The following SPMAP2L variants were observed in gnomAD, a reference collection of about 807,000 sequenced individuals.
The protein encoded by SPMAP2L is sperm microtubule associated protein 2-like.
chr4:56,535,851 A>G, the SPMAP2L span, among the ~76,000 whole-genome samples: 1 of 152,208 alleles, frequency 6.6e-6, no homozygotes, highest in Admixed American at 6.5e-5. Context: ...CTCACCTCTA[A>G]GGCAGGGATC....
chr4:56,551,653 T>C, the SPMAP2L span, among the ~76,000 whole-genome samples: 1 of 152,188 alleles, frequency 6.6e-6, no homozygotes, highest in South Asian at 2.1e-4. Flanking sequence ...ATTGGCCCCG[T>C]CAGACTCCAA....
chr4:56,598,350 G>A, the SPMAP2L span, among the ~76,000 whole-genome samples: 412 of 152,270 alleles, frequency 2.7e-3, 5 homozygotes, highest in East Asian at 0.016. Context: ...TTAGCTTTTA[G>A]CAAACAAGTA....
chr4:56,609,917 G>C, the SPMAP2L span, among the ~76,000 whole-genome samples: 1 of 152,144 alleles, frequency 6.6e-6, no homozygotes, highest in Non-Finnish European at 1.5e-5. Flanking sequence ...ATTGTATTTT[G>C]TTAGAGCAAC....
At chr4:56,537,249 T>G in the SPMAP2L span, among the ~76,000 whole-genome samples, 1 of 152,128 alleles carries the variant, frequency 6.6e-6, no homozygotes, top group Non-Finnish European at 1.5e-5. Context: ...CTGTCCTGAC[T>G]CCTTTAAAAA....
At chr4:56,535,336 G>A in the SPMAP2L span, among the ~76,000 whole-genome samples, 1 of 152,118 alleles carries the variant, frequency 6.6e-6, no homozygotes, top group African/African-American at 2.4e-5. Context: ...ACAGCCCAGC[G>A]CCACACCCTG....
the SPMAP2L span, among the ~76,000 whole-genome samples, chr4:56,583,331 C>A: frequency 6.6e-6 from 1 of 151,572 alleles, no homozygotes; most frequent in Non-Finnish European, 1.5e-5. Context: ...ATCCATAGAT[C>A]CAAATCCATA....
the SPMAP2L span, among the ~76,000 whole-genome samples, chr4:56,611,682 T>C: frequency 6.6e-6 from 1 of 152,186 alleles, no homozygotes; most frequent in Non-Finnish European, 1.5e-5. Context: ...GCAGCAACTA[T>C]GCCAGGAAGC....
the SPMAP2L span, among the ~76,000 whole-genome samples, chr4:56,600,008 C>G: frequency 6.6e-6 from 1 of 151,274 alleles, no homozygotes; most frequent in Non-Finnish European, 1.5e-5. Flanking sequence ...CAGGAAACAA[C>G]AGATGCTGGC....
At chr4:56,559,176 C>CT in the SPMAP2L span, among the ~76,000 whole-genome samples, 1 of 151,650 alleles carries the variant, frequency 6.6e-6, no homozygotes, top group Non-Finnish European at 1.5e-5. Flanking sequence ...TGGTGCGTGC[C>CT]TGTAATCCCA....
At chr4:56,608,437 T>C in the SPMAP2L span, among the ~76,000 whole-genome samples, 1 of 152,056 alleles carries the variant, frequency 6.6e-6, no homozygotes, top group South Asian at 2.1e-4. Flanking sequence ...ATCAAGACAA[T>C]GGAAGAATGA....
At chr4:56,537,822 A>T in the SPMAP2L span, among the ~76,000 whole-genome samples, 1 of 151,946 alleles carries the variant, frequency 6.6e-6, no homozygotes, top group Non-Finnish European at 1.5e-5. Context: ...CCTCCCGAGT[A>T]GCTGGGACTA....
At chr4:56,603,906 C>T in the SPMAP2L span, among the ~76,000 whole-genome samples, 2 of 152,116 alleles carry the variant, frequency 1.3e-5, no homozygotes, top group Non-Finnish European at 2.9e-5. Context: ...ATCTCTGTTC[C>T]TTTACTCATG....
chr4:56,595,602 T>C, the SPMAP2L span: 4 of 1,316,606 alleles, frequency 3.0e-6, no homozygotes, highest in Admixed American at 5.0e-5. Context: ...AGAGAACAAA[T>C]TCTGGCCAGT....
the SPMAP2L span, among the ~76,000 whole-genome samples, chr4:56,572,610 G>A: frequency 6.6e-6 from 1 of 152,132 alleles, no homozygotes; most frequent in Non-Finnish European, 1.5e-5. Context: ...CTGAATGGTG[G>A]ACTACTATAT....
At chr4:56,536,173 G>A in the SPMAP2L span, among the ~76,000 whole-genome samples, 1 of 152,192 alleles carries the variant, frequency 6.6e-6, no homozygotes, top group African/African-American at 2.4e-5. Flanking sequence ...CCGGGGGTTG[G>A]GAACCCCTGC....
At chr4:56,601,620 G>A in the SPMAP2L span, among the ~76,000 whole-genome samples, 3,543 of 152,160 alleles carry the variant, frequency 0.023, 132 homozygotes, top group African/African-American at 0.078. Context: ...AAATTAGCCA[G>A]GTGTGGTGGC....
the SPMAP2L span, among the ~76,000 whole-genome samples, chr4:56,553,754 G>A: frequency 6.6e-6 from 1 of 152,128 alleles, no homozygotes; most frequent in East Asian, 1.9e-4. Flanking sequence ...TTTGACAAAT[G>A]CATAATGTAT....
chr4:56,577,811 C>T, the SPMAP2L span, among the ~76,000 whole-genome samples: 1 of 152,116 alleles, frequency 6.6e-6, no homozygotes. Flanking sequence ...ATAGTGAGAT[C>T]TCATCTCTAC....
At chr4:56,530,843 A>G in the SPMAP2L span, 1 of 1,535,338 alleles carries the variant, frequency 6.5e-7, no homozygotes, top group Non-Finnish European at 8.7e-7. Context: ...GAGAAACACG[A>G]GAATCCCGAG....
Sources: allele counts gnomAD v4.1 joint callset (sites outside exome capture counted in the v4.1 genomes callset), GRCh38; gene constraint gnomAD v4.1.1; transcripts MANE v1.5; gene names NCBI Gene and HGNC (gene_info 2026-07-23, HGNC 2026-07-21).